Variants in DLGAP2 observed in about 807,000 individuals in gnomAD.
The protein encoded by DLGAP2 is disks large-associated protein 2.
Under a neutral mutation model 100.3 loss-of-function variants are expected in DLGAP2, and 26 were observed. That is an observed-to-expected ratio of 0.26 (90% CI 0.19 to 0.36). DLGAP2 has a LOEUF of 0.36. Among genes scored for constraint, DLGAP2 ranks in the 10% least tolerant of loss-of-function variants. The probability of loss-of-function intolerance (pLI) is 1.00; values close to 1 mark genes in which losing one functional copy is unlikely to be tolerated. For synonymous variants in DLGAP2, 886 were observed against 630.1 expected, an observed-to-expected ratio of 1.41 and a Z score of -6.08; for missense variants, 1,858 against 1,453.2, an observed-to-expected ratio of 1.28 and a Z score of -4.53.
intron 2 of DLGAP2, among the ~76,000 whole-genome samples, chr8:1,162,284 G>C (rs1046016254): frequency 2.0e-5 from 3 of 152,196 alleles, no homozygotes; most frequent in Non-Finnish European, 1.5e-5. Context: ...CTGCACCGGC[G>C]TCTGCGTAGG....
intron 7 of DLGAP2, among the ~76,000 whole-genome samples, 185 bp from the exon 8 acceptor site, chr8:1,632,642 G>A (rs534578969): frequency 1.2e-4 from 18 of 152,280 alleles, no homozygotes; most frequent in African/African-American, 3.1e-4. Flanking sequence ...TAAGTGTTTC[G>A]TAAGGGAAAA....
At chr8:1,338,299 C>A (rs1407588563) in intron 3 of DLGAP2, among the ~76,000 whole-genome samples, 2 of 152,212 alleles carry the variant, frequency 1.3e-5, no homozygotes, top group African/African-American at 4.8e-5. Flanking sequence ...AGCCCATCTG[C>A]TGGCCAAGGG....
At chr8:905,683 C>T (rs1476029325) in intron 1 of DLGAP2, among the ~76,000 whole-genome samples, 1 of 152,088 alleles carries the variant, frequency 6.6e-6, no homozygotes, top group Non-Finnish European at 1.5e-5. Context: ...TCGTCAGAAT[C>T]CAGGGTTTGG....
chr8:1,288,309 T>TGG (rs1799985738), intron 3 of DLGAP2, among the ~76,000 whole-genome samples: 1 of 145,280 alleles, frequency 6.9e-6, no homozygotes. Context: ...TGTGTGGTTG[T>TGG]TAGGAGGGGA....
At chr8:1,590,185 C>T (rs891955214) in intron 6 of DLGAP2, among the ~76,000 whole-genome samples, 1 of 152,174 alleles carries the variant, frequency 6.6e-6, no homozygotes, top group Non-Finnish European at 1.5e-5. Context: ...CTCCGGTGAC[C>T]TCATCTCAAC....
chr8:1,080,606 G>A (rs1402272650), intron 2 of DLGAP2, among the ~76,000 whole-genome samples: 1 of 152,168 alleles, frequency 6.6e-6, no homozygotes, highest in South Asian at 2.1e-4. Flanking sequence ...TTTTGAGTAA[G>A]GGACTCATCA....
At chr8:1,565,218 G>C (rs1802348311) in intron 5 of DLGAP2, among the ~76,000 whole-genome samples, 1 of 152,172 alleles carries the variant, frequency 6.6e-6, no homozygotes, top group South Asian at 2.1e-4. Flanking sequence ...ATAGAACTTG[G>C]CTTCTAGATT....
chr8:1,202,358 C>A (rs923333673), intron 2 of DLGAP2, among the ~76,000 whole-genome samples: 1 of 151,724 alleles, frequency 6.6e-6, no homozygotes, highest in Non-Finnish European at 1.5e-5. Context: ...CACGGCTCCT[C>A]TTGGCACCTG....
chr8:887,349 T>C (rs561571294), intron 1 of DLGAP2, among the ~76,000 whole-genome samples: 14 of 152,348 alleles, frequency 9.2e-5, no homozygotes, highest in African/African-American at 2.9e-4. Flanking sequence ...TGTCTGTTAA[T>C]TGGGGGCATT....
intron 3 of DLGAP2, among the ~76,000 whole-genome samples, chr8:1,354,109 C>T (rs1482539403): frequency 1.3e-5 from 2 of 152,132 alleles, no homozygotes; most frequent in East Asian, 3.8e-4. Context: ...ATTAACTTCA[C>T]CCAGAAATTG....
chr8:1,270,802 C>T (rs1040143793), intron 3 of DLGAP2, among the ~76,000 whole-genome samples: 2 of 151,376 alleles, frequency 1.3e-5, no homozygotes, highest in South Asian at 2.1e-4. Context: ...CTCTGTGTGT[C>T]TCTGTGTGTG....
At chr8:1,488,975 C>T (rs1799300235) in intron 3 of DLGAP2, among the ~76,000 whole-genome samples, 1 of 152,218 alleles carries the variant, frequency 6.6e-6, no homozygotes, top group Admixed American at 6.5e-5. Context: ...CAGGAAGACA[C>T]TGGATAGAAC....
intron 1 of DLGAP2, among the ~76,000 whole-genome samples, chr8:793,394 C>T (rs1042274720): frequency 3.3e-5 from 5 of 152,198 alleles, no homozygotes; most frequent in African/African-American, 7.2e-5. Flanking sequence ...CTCCTCCCCT[C>T]GCCCTGATGA....
chr8:1,296,538 A>C (rs1800179742), intron 3 of DLGAP2, among the ~76,000 whole-genome samples: 1 of 152,140 alleles, frequency 6.6e-6, no homozygotes, highest in African/African-American at 2.4e-5. Flanking sequence ...CCTATCTTGC[A>C]GAGTGTGCGT....
intron 2 of DLGAP2, among the ~76,000 whole-genome samples, chr8:1,198,005 C>G (rs551592525): frequency 2.0e-4 from 30 of 152,254 alleles, no homozygotes; most frequent in African/African-American, 2.4e-4. Flanking sequence ...GAGGAGTAGC[C>G]TGGGTCATTC....
Position 977,211 on chromosome 8 carries a change from G to A in DLGAP2, c.73+69245G>A, listed in dbSNP as rs557170639. 2.6e-5 allele frequency among the ~76,000 whole-genome samples: 4 copies of A among 152,320 alleles called. No homozygotes were observed. In the South Asian group the frequency reaches 6.2e-4, roughly 24 times the overall value. On this transcript the variant is annotated intron_variant, in intron 2 of 14. Transcript: ENST00000637795. ...TTTCTGTAGACCAGCCCTACAGTGG[G>A]CAGAGACCCACTCCTTGCCTCTGTC...
intron 2 of DLGAP2, among the ~76,000 whole-genome samples, chr8:1,059,228 G>A (rs771290423): frequency 1.3e-5 from 2 of 152,034 alleles, no homozygotes; most frequent in Non-Finnish European, 2.9e-5. Context: ...ATCACCAGCT[G>A]GGCCTCATCC....
chr8:1,179,892 T>G (rs1309171263), intron 2 of DLGAP2, among the ~76,000 whole-genome samples: 1 of 152,204 alleles, frequency 6.6e-6, no homozygotes. Flanking sequence ...TACAAATAAT[T>G]ATGTGAAAAC....
At chr8:1,010,972 C>G (rs1190260593) in intron 2 of DLGAP2, among the ~76,000 whole-genome samples, 2 of 144,452 alleles carry the variant, frequency 1.4e-5, no homozygotes, top group Non-Finnish European at 2.9e-5. Context: ...GGGCCTCAGT[C>G]TGCATGGTGA....
Sources: gnomAD v4.1 joint callset for allele counts (sites outside exome capture counted in the v4.1 genomes callset) on GRCh38, gnomAD v4.1.1 for gene constraint, MANE v1.5 for transcripts, NCBI Gene and HGNC (gene_info 2026-07-23, HGNC 2026-07-21) for gene names.